FHIT: variants seen among roughly 807,000 people sequenced by gnomAD.
The protein encoded by FHIT is fragile histidine triad diadenosine triphosphatase, also known as bis(5'-adenosyl)-triphosphatase.
In FHIT, 19 loss-of-function variants were observed where a neutral mutation model predicts 17.9. The observed-to-expected ratio is 1.06, with a 90% CI of 0.74 to 1.56. FHIT has a LOEUF of 1.56. Ranked by LOEUF, FHIT falls within the 40% of genes most tolerant of loss-of-function variation. FHIT has a pLI of 0.00. For synonymous variants in FHIT, 81 were observed against 69.7 expected (o/e 1.16, Z -0.81); for missense variants, 248 against 189.2 (o/e 1.31, Z -1.82).
rs73836668 is a variant in FHIT, at chr3:60,615,352, T to G, written c.-17-78373A>C. Among the ~76,000 whole-genome samples, 305 of 152,324 alleles carry G rather than the reference T, an allele frequency of 2.0e-3. 2 individuals carry two copies. The highest frequency in any genetic ancestry group is 7.2e-3 in the African/African-American group (300 of 41,564). On this transcript the variant is annotated intron_variant, in intron 4 of 9. Transcript: ENST00000492590. ...CAACTGCTCTCAGACATACCAGCTA[T>G]GATCATGTAGGAAACGTGATTCCGT...
chr3:60,274,336 A>T (rs941520281), intron 5 of FHIT, among the ~76,000 whole-genome samples: 1 of 152,128 alleles, frequency 6.6e-6, no homozygotes, highest in Non-Finnish European at 1.5e-5. Flanking sequence ...CAAAACCCTA[A>T]CACCTTAACA....
Position 60,689,621 on chromosome 3 carries a change from T to C in FHIT, c.-18+132298A>G, listed in dbSNP as rs2040941449. On this transcript the variant is annotated intron_variant, in intron 4 of 9. Coordinates refer to ENST00000492590, the MANE Select transcript of FHIT (RefSeq NM_002012.4). ...TCTCTCTCCATTGGTTTGGAAGTCA[T>C]GCATCCTACTTTTGTTTCTAATAGT... is the stretch of plus-strand genomic sequence containing the variant. Among the ~76,000 whole-genome samples the C allele has an allele frequency of 1.3e-5, 2 of 152,148 alleles. 1 individual carries two copies. Among genetic ancestry groups the C allele is most frequent in the South Asian group, 4.2e-4 (2 of 4,816 alleles).
intron 5 of FHIT, among the ~76,000 whole-genome samples, chr3:60,209,838 A>G (rs935000514): frequency 5.9e-5 from 9 of 152,124 alleles, no homozygotes; most frequent in African/African-American, 2.2e-4. Context: ...ACAGGAACAG[A>G]ACACCAAATA....
chr3:60,158,810 T>C (rs1226912566), intron 5 of FHIT, among the ~76,000 whole-genome samples: 2 of 152,080 alleles, frequency 1.3e-5, no homozygotes, highest in Non-Finnish European at 2.9e-5. Flanking sequence ...CAGCACCCTA[T>C]GCAGAATGAA....
intron 5 of FHIT, among the ~76,000 whole-genome samples, chr3:60,276,116 T>C (rs771548936): frequency 4.0e-5 from 6 of 151,818 alleles, no homozygotes; most frequent in Non-Finnish European, 7.4e-5. Flanking sequence ...GCCTCCTGAG[T>C]AGCCGGGACT....
intron 4 of FHIT, among the ~76,000 whole-genome samples, chr3:60,545,084 T>C (rs989197985): frequency 3.1e-5 from 1 of 32,580 alleles, no homozygotes; most frequent in African/African-American, 1.6e-4. Context: ...ATTTATTGTT[T>C]TCTGATTTAC....
At chr3:60,722,612 C>T (rs1553708330) in intron 4 of FHIT, among the ~76,000 whole-genome samples, 1 of 152,068 alleles carries the variant, frequency 6.6e-6, no homozygotes, top group African/African-American at 2.4e-5. Flanking sequence ...TAGTAGCATC[C>T]CCCACCCCCA....
At chr3:60,344,792 C>A (rs1710693787) in intron 5 of FHIT, among the ~76,000 whole-genome samples, 1 of 152,004 alleles carries the variant, frequency 6.6e-6, no homozygotes, top group African/African-American at 2.4e-5. Flanking sequence ...TCTTTGGAAA[C>A]TGGTATCAAA....
At chr3:60,189,671 G>A (rs1239000052) in intron 5 of FHIT, among the ~76,000 whole-genome samples, 4 of 152,226 alleles carry the variant, frequency 2.6e-5, no homozygotes, top group East Asian at 1.9e-4. Flanking sequence ...GAATTTGGTC[G>A]GCATTGGTAT....
At chr3:60,569,755 A>ATATATTTTT in intron 4 of FHIT, among the ~76,000 whole-genome samples, 5,342 of 77,214 alleles carry the variant, frequency 0.069, 552 homozygotes, top group South Asian at 0.12. Flanking sequence ...ATATATATAT[A>ATATATTTTT]TTTTTTTTTT....
intron 5 of FHIT, among the ~76,000 whole-genome samples, chr3:60,164,892 C>A (rs1476406519): frequency 6.6e-6 from 1 of 152,172 alleles, no homozygotes; most frequent in African/African-American, 2.4e-5. Flanking sequence ...ATGGCTCTGT[C>A]CTGTTGGCAT....
chr3:60,794,820 C>A (rs1227707188), intron 4 of FHIT, among the ~76,000 whole-genome samples: 2 of 152,226 alleles, frequency 1.3e-5, no homozygotes, highest in African/African-American at 4.8e-5. Flanking sequence ...TTCATAAAAA[C>A]ACACTGGCAG....
At position 60,646,360 on chromosome 3, in the gene FHIT, T is replaced by G. The variant is rs542606585; in HGVS notation, c.-17-109381A>C. 5.7e-4 allele frequency among the ~76,000 whole-genome samples: 87 copies of G among 152,192 alleles called. 2 individuals are homozygous for G. Among genetic ancestry groups the G allele is most frequent in the Admixed American group, 5.6e-3 (85 of 15,278 alleles). On this transcript the variant is annotated intron_variant, in intron 4 of 9. Coordinates refer to ENST00000492590, the MANE Select transcript of FHIT (RefSeq NM_002012.4). ...TTAAATCTGGTTAATTCTGCCCATGTCCATTTGAAAAACAACCGTGTAATT... is the reference window on the plus strand; with the variant it reads ...TTAAATCTGGTTAATTCTGCCCATGGCCATTTGAAAAACAACCGTGTAATT...
chr3:60,479,450 T>A (rs2033504274), intron 5 of FHIT, among the ~76,000 whole-genome samples: 1 of 152,222 alleles, frequency 6.6e-6, no homozygotes, highest in East Asian at 1.9e-4. Context: ...GATTATAATG[T>A]ATCTGGAAAA....
At chr3:60,397,361 G>A (rs985407071) in intron 5 of FHIT, among the ~76,000 whole-genome samples, 1 of 152,120 alleles carries the variant, frequency 6.6e-6, no homozygotes, top group Non-Finnish European at 1.5e-5. Flanking sequence ...CAGAGGAAGA[G>A]ATAGGAGGTT....
Position 60,690,144 on chromosome 3 carries a change from G to A in FHIT, c.-18+131775C>T, listed in dbSNP as rs201441851. 1.0e-3 allele frequency: 432 copies of A among 413,008 alleles called. 1 individual carries two copies. The highest frequency in any genetic ancestry group is 1.9e-3 in the East Asian group (36 of 19,278). 25.6% of individuals were successfully genotyped at this position (413,008 alleles called of 1,614,324 possible). A position where few individuals can be genotyped will look rare whatever the true frequency, so the allele number is the denominator to read the frequency against. On this transcript the variant is annotated intron_variant, in intron 4 of 9. Coordinates refer to ENST00000492590, the MANE Select transcript of FHIT (RefSeq NM_002012.4). Reference sequence around the variant, plus strand: ...AAGCACAAAGATTCTAGGATACTGCGAGCAAATGGGGTGGAGGGGTGCTCC... The same window carrying A: ...AAGCACAAAGATTCTAGGATACTGCAAGCAAATGGGGTGGAGGGGTGCTCC...
At chr3:59,864,438 G>GT (rs1702545324) in intron 8 of FHIT, among the ~76,000 whole-genome samples, 1 of 152,136 alleles carries the variant, frequency 6.6e-6, no homozygotes, top group African/African-American at 2.4e-5. Flanking sequence ...ATGTGGAACT[G>GT]TAAGTCCAAT....
chr3:60,730,072 A>G, intron 4 of FHIT: 1 of 507,050 alleles, frequency 2.0e-6, no homozygotes, highest in African/African-American at 2.0e-5. Flanking sequence ...CTGGACTTCA[A>G]AAAATCTCTT....
intron 5 of FHIT, among the ~76,000 whole-genome samples, chr3:60,271,318 G>A (rs903198403): frequency 6.6e-6 from 1 of 152,054 alleles, no homozygotes; most frequent in African/African-American, 2.4e-5. Flanking sequence ...CAGGTGAATC[G>A]CTTGAACCCA....
Sources: gnomAD v4.1 joint callset for allele counts (sites outside exome capture counted in the v4.1 genomes callset) on GRCh38, gnomAD v4.1.1 for gene constraint, MANE v1.5 for transcripts, NCBI Gene and HGNC (gene_info 2026-07-23, HGNC 2026-07-21) for gene names.